LRBA: variants seen among roughly 807,000 people sequenced by gnomAD.
The protein encoded by LRBA is lipopolysaccharide-responsive and beige-like anchor protein.
Under a neutral mutation model 330.0 loss-of-function variants are expected in LRBA, and 176 were observed. The observed-to-expected ratio is 0.53, with a 90% CI of 0.47 to 0.60. The LOEUF (loss-of-function observed/expected upper bound fraction) is 0.60, where lower values mean the gene tolerates loss of function less well. Ranked by LOEUF, LRBA falls within the 20% of genes least tolerant of loss-of-function variation. The pLI, the probability that LRBA is intolerant of heterozygous loss-of-function variation, is 0.00. For missense variants in LRBA, 3,259 were observed against 3,444.8 expected (o/e 0.95, Z 1.35); for synonymous variants, 1,230 against 1,193.0 (o/e 1.03, Z -0.64).
intron 44 of LRBA, among the ~76,000 whole-genome samples, chr4:150,445,404 T>C (rs1043059679): frequency 2.9e-5 from 4 of 137,886 alleles, no homozygotes; most frequent in African/African-American, 8.2e-5. Flanking sequence ...TATATATATA[T>C]ATATATACAT....
At chr4:150,851,450 G>GC (rs1207013196) in intron 23 of LRBA, among the ~76,000 whole-genome samples, 2 of 152,150 alleles carry the variant, frequency 1.3e-5, no homozygotes, top group African/African-American at 4.8e-5. Flanking sequence ...ATCTCACAAA[G>GC]CCTCCTCTCT....
intron 31 of LRBA, among the ~76,000 whole-genome samples, chr4:150,814,637 A>T (rs954376710): frequency 1.3e-5 from 2 of 151,702 alleles, no homozygotes; most frequent in Non-Finnish European, 2.9e-5. Context: ...CTGTTTTTTT[A>T]AAAATGGGGG....
chr4:151,010,252 G>A (rs1744672648), intron 2 of LRBA, among the ~76,000 whole-genome samples: 2 of 152,106 alleles, frequency 1.3e-5, no homozygotes, highest in Non-Finnish European at 2.9e-5. Context: ...GAATTAGGTA[G>A]CACTAAATAC....
intron 47 of LRBA, among the ~76,000 whole-genome samples, chr4:150,366,844 C>T (rs931857801): frequency 6.6e-6 from 1 of 152,128 alleles, no homozygotes; most frequent in African/African-American, 2.4e-5. Context: ...GGAAGCTTTC[C>T]CTTTCTCTTG....
At chr4:150,904,695 G>T (rs1439601444) in intron 13 of LRBA, among the ~76,000 whole-genome samples, 1 of 152,056 alleles carries the variant, frequency 6.6e-6, no homozygotes, top group African/African-American at 2.4e-5. Flanking sequence ...GTAAGACTGA[G>T]GGTCATGGAA....
chr4:150,321,456 T>G lies in LRBA; in HGVS notation c.7453-88A>C. The G allele has an allele frequency of 8.7e-7, 1 of 1,154,630 alleles. No homozygotes were observed. The highest frequency in any genetic ancestry group is 1.2e-6 in the Non-Finnish European group (1 of 832,376). 71.5% of individuals were successfully genotyped at this position (1,154,630 alleles called of 1,614,324 possible). On this transcript the variant is annotated intron_variant, in intron 49 of 56. Coordinates refer to ENST00000651943, the MANE Select transcript of LRBA (RefSeq NM_001364905.1). This position sits in a 1 kb window ranked among gnomAD's most constrained non-coding sequence, Gnocchi z 4.5. ...GAAGAAAGACAAGAAAGAGAGGGGG[T>G]GCAGGAAAAGAAGAGGAAGACCATA...
At chr4:150,353,002 T>C (rs984982317) in intron 47 of LRBA, among the ~76,000 whole-genome samples, 3 of 152,228 alleles carry the variant, frequency 2.0e-5, no homozygotes, top group African/African-American at 7.2e-5. Flanking sequence ...TTCTGACAGC[T>C]AATTTCAGTT....
At chr4:150,930,143 C>T (rs930049655) in intron 2 of LRBA, among the ~76,000 whole-genome samples, 18 of 151,946 alleles carry the variant, frequency 1.2e-4, no homozygotes, top group African/African-American at 4.1e-4. Flanking sequence ...GGTGAAACCC[C>T]ATCTCTACTA....
chr4:150,281,641 C>G (rs1747552436), intron 55 of LRBA, among the ~76,000 whole-genome samples: 1 of 152,188 alleles, frequency 6.6e-6, no homozygotes, highest in South Asian at 2.1e-4. Context: ...CTGCCCCCAA[C>G]ATGTCCTGGG....
At chr4:150,969,730 A>C (rs1312931199) in intron 2 of LRBA, among the ~76,000 whole-genome samples, 1 of 152,164 alleles carries the variant, frequency 6.6e-6, no homozygotes, top group Non-Finnish European at 1.5e-5. Context: ...TCAGCCTCCC[A>C]AAGTGCTGAG....
In LRBA at chr4:150,544,501, G is replaced by A. The variant is rs144014132; in HGVS notation, c.6330+43547C>T. Among the ~76,000 whole-genome samples, 12 of 152,134 alleles carry A rather than the reference G, an allele frequency of 7.9e-5. No individual in the cohort carries two copies. The East Asian group carries it at 1.5e-3, about 20-fold the overall frequency. ...TCTTTCAGTTCACACTTCAAATGTC[G>A]TTTCCTCAATGAAGCCTTCCTTTAA... On this transcript the variant is annotated intron_variant, in intron 40 of 56. Coordinates refer to ENST00000651943, the MANE Select transcript of LRBA (RefSeq NM_001364905.1).
chr4:150,266,831 A>T (rs879427640), intron 56 of LRBA, among the ~76,000 whole-genome samples: 2 of 152,342 alleles, frequency 1.3e-5, no homozygotes, highest in Non-Finnish European at 2.9e-5. Flanking sequence ...CCCACTTGAG[A>T]TCTAAAGACA....
At chr4:150,846,766 T>C (rs1486317046) in intron 26 of LRBA, among the ~76,000 whole-genome samples, 1 of 152,204 alleles carries the variant, frequency 6.6e-6, no homozygotes, top group African/African-American at 2.4e-5. Flanking sequence ...GGACTGTTAC[T>C]TTGTTTACCA....
intron 37 of LRBA, among the ~76,000 whole-genome samples, chr4:150,643,672 C>T (rs1307128024): frequency 6.6e-6 from 1 of 151,648 alleles, no homozygotes; most frequent in Non-Finnish European, 1.5e-5. Flanking sequence ...TTGTACATTT[C>T]AAAAAGATAG....
intron 2 of LRBA, among the ~76,000 whole-genome samples, chr4:150,946,541 C>G (rs887843939): frequency 2.0e-5 from 3 of 151,948 alleles, no homozygotes; most frequent in African/African-American, 7.3e-5. Flanking sequence ...AAGAGGAAGT[C>G]TCAAATAAAT....
intron 46 of LRBA, among the ~76,000 whole-genome samples, chr4:150,429,051 C>G (rs939820328): frequency 2.0e-5 from 3 of 151,978 alleles, no homozygotes; most frequent in African/African-American, 7.2e-5. Flanking sequence ...AATTTAGGAT[C>G]TCATGGAGCT....
chr4:150,481,716 C>T (rs1454023150), intron 42 of LRBA, among the ~76,000 whole-genome samples: 1 of 152,064 alleles, frequency 6.6e-6, no homozygotes, highest in African/African-American at 2.4e-5. Context: ...TAGCATAACA[C>T]TTTTGAAATT....
chr4:150,728,854 A>T (rs1451048756), intron 36 of LRBA, among the ~76,000 whole-genome samples: 1 of 152,180 alleles, frequency 6.6e-6, no homozygotes, highest in Non-Finnish European at 1.5e-5. Flanking sequence ...AGCTAGAGTA[A>T]TCCAACAAGA....
chr4:150,633,842 C>T (rs1159460367), intron 37 of LRBA, among the ~76,000 whole-genome samples: 11 of 152,226 alleles, frequency 7.2e-5, no homozygotes, highest in Admixed American at 7.2e-4. Context: ...TGGTCGGATG[C>T]GGTGGCTCAC....
Sources: gnomAD v4.1 joint callset for allele counts (sites outside exome capture counted in the v4.1 genomes callset) on GRCh38, gnomAD v4.1.1 for gene constraint, Gnocchi (gnomAD v3.1) non-coding constraint, MANE v1.5 for transcripts, NCBI Gene and HGNC (gene_info 2026-07-23, HGNC 2026-07-21) for gene names.